Variants in CSMD1 observed in about 807,000 individuals in gnomAD.
The protein encoded by CSMD1 is CUB and sushi domain-containing protein 1.
In CSMD1, 213 loss-of-function variants were observed where a neutral mutation model predicts 417.5. The ratio of observed to expected loss-of-function variants is 0.51; its 90% CI spans 0.46 to 0.57. The LOEUF (loss-of-function observed/expected upper bound fraction) is 0.57, where lower values mean the gene tolerates loss of function less well. Ranked by LOEUF, CSMD1 falls within the 20% of genes least tolerant of loss-of-function variation. The probability of loss-of-function intolerance (pLI) is 0.00; values close to 1 mark genes in which losing one functional copy is unlikely to be tolerated. For synonymous variants in CSMD1, 2,862 were observed against 1,736.8 expected (o/e 1.65, Z -16.11); for missense variants, 6,923 against 4,529.7 (o/e 1.53, Z -15.17).
At chr8:3,573,328 G>C (rs563783105) in intron 10 of CSMD1, among the ~76,000 whole-genome samples, 69 of 152,006 alleles carry the variant, frequency 4.5e-4, no homozygotes, top group Non-Finnish European at 9.3e-4. Context: ...ATAGTTTCTT[G>C]GTAAAAAACT....
At chr8:4,166,647 G>A (rs368560165) in intron 3 of CSMD1, among the ~76,000 whole-genome samples, 1 of 151,984 alleles carries the variant, frequency 6.6e-6, no homozygotes, top group African/African-American at 2.4e-5. Flanking sequence ...CTGCATATTG[G>A]GTACCGTGTA....
intron 6 of CSMD1, among the ~76,000 whole-genome samples, chr8:3,721,907 T>C (rs1453911840): frequency 1.3e-5 from 2 of 152,072 alleles, no homozygotes; most frequent in African/African-American, 2.4e-5. Context: ...CTGTCCACAA[T>C]GGGAAGTACT....
chr8:3,141,185 G>A (rs960635472), intron 41 of CSMD1, among the ~76,000 whole-genome samples: 12 of 152,066 alleles, frequency 7.9e-5, no homozygotes, highest in African/African-American at 2.7e-4. Context: ...GTGTGTGCAG[G>A]TGGGATGGGA....
At chr8:4,686,222 G>C (rs1244704458) in intron 1 of CSMD1, among the ~76,000 whole-genome samples, 1 of 152,148 alleles carries the variant, frequency 6.6e-6, no homozygotes, top group Non-Finnish European at 1.5e-5. Flanking sequence ...CTTTTCTTTC[G>C]GAGCTGTCTT....
intron 2 of CSMD1, among the ~76,000 whole-genome samples, chr8:4,591,869 C>A (rs190736566): frequency 6.6e-6 from 1 of 152,026 alleles, no homozygotes; most frequent in South Asian, 2.1e-4. Flanking sequence ...AAGTAATGAC[C>A]AAGGGACCGG....
chr8:4,349,042 G>A (rs528539900), intron 3 of CSMD1, among the ~76,000 whole-genome samples: 222 of 152,268 alleles, frequency 1.5e-3, no homozygotes, highest in African/African-American at 4.9e-3. Context: ...TTACATTCTT[G>A]CTAATTTAGT....
intron 15 of CSMD1, among the ~76,000 whole-genome samples, chr8:3,402,514 G>A (rs1452915297): frequency 6.6e-6 from 1 of 152,122 alleles, no homozygotes; most frequent in Non-Finnish European, 1.5e-5. Flanking sequence ...GAAACCTTTT[G>A]CCCGGAGGCC....
chr8:3,409,532 A>T lies in CSMD1; in HGVS notation c.1635T>A (p.His545Gln), dbSNP rs775689188. Reference sequence around the variant, plus strand: ...GGCATTCAAAGGTGAGTGTATCTCCATGGAGGAAACTGCTGCCCGTCCGCT... The same window carrying T: ...GGCATTCAAAGGTGAGTGTATCTCCTTGGAGGAAACTGCTGCCCGTCCGCT... ...YGKRTGSSFL[H>Q]GDTLTFECPA... The change falls in exon 13 of 70, where the codon CAT becomes CAA. Residue 545 changes from histidine to glutamine, a missense_variant. By Grantham distance (24) the His-to-Gln change is conservative. Transcript: ENST00000635120. 1.9e-6 allele frequency: 3 copies of T among 1,611,518 alleles called. No homozygotes were observed. The highest frequency in any genetic ancestry group is 2.2e-5 in the East Asian group (1 of 44,784).
chr8:3,442,189 A>T (rs1815028465), intron 12 of CSMD1, among the ~76,000 whole-genome samples: 2 of 151,228 alleles, frequency 1.3e-5, no homozygotes, highest in East Asian at 1.9e-4. Context: ...ACAATAAAAA[A>T]TTTTAAAAAA....
intron 1 of CSMD1, among the ~76,000 whole-genome samples, chr8:4,844,475 T>A (rs773462018): frequency 6.6e-6 from 1 of 152,096 alleles, no homozygotes; most frequent in African/African-American, 2.4e-5. Flanking sequence ...ATCTTTTTGC[T>A]CATAACAGCC....
Position 3,034,690 on chromosome 8 carries a change from T to C in CSMD1, c.7661-5177A>G, listed in dbSNP as rs76254350. 9.0e-3 allele frequency among the ~76,000 whole-genome samples: 1,365 copies of C among 152,294 alleles called. 21 individuals carry two copies. The highest frequency in any genetic ancestry group is 0.031 in the African/African-American group (1,278 of 41,560). ...GAAGACTAGGATGCTTCTGTTATGTTCTTACTTTGTTATTTCTTCCCACAA... is the reference window on the plus strand; with the variant it reads ...GAAGACTAGGATGCTTCTGTTATGTCCTTACTTTGTTATTTCTTCCCACAA... On this transcript the variant is annotated intron_variant, in intron 50 of 69. Transcript: ENST00000635120.
chr8:3,931,663 C>T (rs1302733643), intron 5 of CSMD1, among the ~76,000 whole-genome samples: 4 of 149,086 alleles, frequency 2.7e-5, no homozygotes, highest in Admixed American at 2.7e-4. Context: ...TTGTATAGTT[C>T]TAAAAAACAA....
intron 23 of CSMD1, among the ~76,000 whole-genome samples, chr8:3,333,419 G>A (rs939480492): frequency 1.1e-4 from 16 of 152,120 alleles, no homozygotes; most frequent in Admixed American, 6.5e-5. Context: ...GTTAACTGTG[G>A]GAAAAACAAA....
intron 26 of CSMD1, among the ~76,000 whole-genome samples, chr8:3,257,765 G>A (rs919025324): frequency 2.0e-5 from 3 of 152,268 alleles, no homozygotes; most frequent in Admixed American, 1.3e-4. Flanking sequence ...TGAGAAGGGG[G>A]TGGATGATGA....
At chr8:4,896,097 T>C (rs1804462408) in intron 1 of CSMD1, among the ~76,000 whole-genome samples, 1 of 152,156 alleles carries the variant, frequency 6.6e-6, no homozygotes, top group Non-Finnish European at 1.5e-5. Context: ...CTGAAAATTT[T>C]TTTCTGCCTT....
chr8:4,259,244 A>C (rs975287474), intron 3 of CSMD1, among the ~76,000 whole-genome samples: 2 of 152,170 alleles, frequency 1.3e-5, no homozygotes, highest in Non-Finnish European at 2.9e-5. Context: ...GGACACAGAC[A>C]ATCTTTTCCT....
intron 5 of CSMD1, among the ~76,000 whole-genome samples, chr8:3,975,006 T>A (rs887708273): frequency 4.6e-5 from 7 of 152,190 alleles, no homozygotes; most frequent in African/African-American, 1.7e-4. Context: ...TTCTTTGCAG[T>A]GAAAATGGAA....
At chr8:3,556,555 C>G (rs909090116) in intron 10 of CSMD1, among the ~76,000 whole-genome samples, 4 of 150,844 alleles carry the variant, frequency 2.7e-5, no homozygotes, top group African/African-American at 9.8e-5. Context: ...CACACACCCT[C>G]TCTCTCTTTC....
At chr8:3,945,882 A>T (rs980391875) in intron 5 of CSMD1, among the ~76,000 whole-genome samples, 1 of 152,154 alleles carries the variant, frequency 6.6e-6, no homozygotes, top group East Asian at 1.9e-4. Flanking sequence ...TGCTGTAGAC[A>T]TAAGAACGTA....
Sources: allele counts gnomAD v4.1 joint callset (sites outside exome capture counted in the v4.1 genomes callset), GRCh38; gene constraint gnomAD v4.1.1; transcripts MANE v1.5; gene names NCBI Gene and HGNC (gene_info 2026-07-23, HGNC 2026-07-21).